Variants in PAK5 observed in about 807,000 individuals in gnomAD.
The protein encoded by PAK5 is p21 (RAC1) activated kinase 5.
In PAK5, 16 loss-of-function variants were observed where a neutral mutation model predicts 65.9. The ratio of observed to expected loss-of-function variants is 0.24; its 90% CI spans 0.16 to 0.37. The LOEUF is 0.37. Among genes scored for constraint, PAK5 ranks in the 10% least tolerant of loss-of-function variants. The pLI, the probability that PAK5 is intolerant of heterozygous loss-of-function variation, is 1.00. For missense variants in PAK5, 785 were observed against 903.9 expected, an observed-to-expected ratio of 0.87 and a Z score of 1.69; for synonymous variants, 371 against 354.9, an observed-to-expected ratio of 1.05 and a Z score of -0.51.
intron 3 of PAK5, among the ~76,000 whole-genome samples, chr20:9,596,679 G>T (rs144178273): frequency 1.3e-5 from 2 of 150,470 alleles, no homozygotes; most frequent in Non-Finnish European, 3.0e-5. Context: ...AGAAGTCGTG[G>T]CTTGAGGAGC....
chr20:9,568,573 G>A (rs536073034), intron 4 of PAK5, among the ~76,000 whole-genome samples: 8 of 152,146 alleles, frequency 5.3e-5, no homozygotes, highest in Non-Finnish European at 1.0e-4. Context: ...ATCAATCTGT[G>A]TGATCAAAGA....
At chr20:9,759,585 A>G (rs754238563) in intron 1 of PAK5, among the ~76,000 whole-genome samples, 3 of 152,190 alleles carry the variant, frequency 2.0e-5, no homozygotes, top group Admixed American at 6.5e-5. Flanking sequence ...AAGCTCCCAG[A>G]TGAAGGAAAG....
chr20:9,781,926 G>A lies in PAK5; in HGVS notation c.-162+56836C>T, dbSNP rs377667698. 9.2e-5 allele frequency among the ~76,000 whole-genome samples: 14 copies of A among 152,096 alleles called. No homozygotes were observed. The East Asian group carries it at 1.4e-3, about 15-fold the overall frequency. ...TTCCCCTATATAGTTTGTGCTCAGC[G>A]CAGCAGTCCGAATAATTTTTAAGTG... On this transcript the variant is annotated intron_variant, in intron 1 of 9. Transcript: ENST00000353224.
intron 1 of PAK5, among the ~76,000 whole-genome samples, chr20:9,750,914 A>G (rs941291152): frequency 6.6e-6 from 1 of 152,044 alleles, no homozygotes; most frequent in Non-Finnish European, 1.5e-5. Context: ...GGTTTATCTG[A>G]TTTCCCAAGC....
intron 4 of PAK5, among the ~76,000 whole-genome samples, chr20:9,568,406 G>C (rs181491855): frequency 1.0e-3 from 159 of 152,282 alleles, no homozygotes; most frequent in African/African-American, 3.6e-3. Context: ...TGGCTATCAG[G>C]ATTTTGGCCT....
intron 2 of PAK5, among the ~76,000 whole-genome samples, chr20:9,701,018 T>C (rs1369928838): frequency 6.6e-6 from 1 of 152,160 alleles, no homozygotes; most frequent in African/African-American, 2.4e-5. Flanking sequence ...AGATTGGAGA[T>C]AGGTAGGAGC....
At chr20:9,753,797 CAG>C (rs1220070993) in intron 1 of PAK5, among the ~76,000 whole-genome samples, 4 of 152,086 alleles carry the variant, frequency 2.6e-5, no homozygotes, top group Non-Finnish European at 5.9e-5. Context: ...GGAGGAAGAC[CAG>C]AGAGACAAAG....
At chr20:9,582,980 C>A (rs926778041) in intron 3 of PAK5, among the ~76,000 whole-genome samples, 1 of 152,106 alleles carries the variant, frequency 6.6e-6, no homozygotes, top group Non-Finnish European at 1.5e-5. Context: ...TCTGTCCCTA[C>A]AAGAAGCTCC....
chr20:9,640,463 G>T (rs183168698), intron 3 of PAK5, among the ~76,000 whole-genome samples: 456 of 152,070 alleles, frequency 3.0e-3, no homozygotes, highest in Non-Finnish European at 5.0e-3. Context: ...GTCTATCATT[G>T]TTGGACATTT....
intron 1 of PAK5, among the ~76,000 whole-genome samples, chr20:9,765,981 TGGGAGGCCCAGG>T (rs763829972): frequency 2.5e-4 from 38 of 152,078 alleles, no homozygotes; most frequent in Non-Finnish European, 4.4e-4. Flanking sequence ...CCCAGCACTT[TGGGAGGCCCAGG>T]CAGGCAGATC....
At chr20:9,769,773 T>A (rs2048812576) in intron 1 of PAK5, among the ~76,000 whole-genome samples, 1 of 152,258 alleles carries the variant, frequency 6.6e-6, no homozygotes, top group Admixed American at 6.5e-5. Context: ...AATATTTGGC[T>A]GCTTTTCCTC....
intron 3 of PAK5, among the ~76,000 whole-genome samples, chr20:9,592,053 C>CA (rs755172771): frequency 6.6e-6 from 1 of 152,046 alleles, no homozygotes; most frequent in African/African-American, 2.4e-5. Flanking sequence ...ATGCCTTATG[C>CA]AAAAAATAGA....
intron 1 of PAK5, among the ~76,000 whole-genome samples, chr20:9,786,158 C>A (rs1249972967): frequency 6.6e-6 from 1 of 152,084 alleles, no homozygotes; most frequent in Non-Finnish European, 1.5e-5. Flanking sequence ...GGGGTATATT[C>A]ATTGAGTGTC....
chr20:9,637,829 A>G (rs2047001253), intron 3 of PAK5, among the ~76,000 whole-genome samples: 1 of 152,202 alleles, frequency 6.6e-6, no homozygotes, highest in African/African-American at 2.4e-5. Context: ...AAATATTAAG[A>G]TATGCTTTTT....
intron 4 of PAK5, among the ~76,000 whole-genome samples, chr20:9,574,977 T>C (rs1255019283): frequency 6.6e-6 from 1 of 152,174 alleles, no homozygotes; most frequent in African/African-American, 2.4e-5. Flanking sequence ...GAAGTTGCTG[T>C]TCTGTTGTTG....
Position 9,539,477 on chromosome 20 carries a change from T to A in PAK5, c.2145A>T (p.Gln715His). 2 of 1,614,048 alleles carry A rather than the reference T, an allele frequency of 1.2e-6. No individual in the cohort carries two copies. The highest frequency in any genetic ancestry group is 1.7e-6 in the Non-Finnish European group (2 of 1,179,954). ...PPSCIVPLMR[Q>H]YRHH is the part of the protein sequence containing the mutation. The stretch of plus-strand genomic sequence containing the variant: ...AATCCTCTGCTCAGTGATGCCTGTA[T>A]TGTCTCATGAGGGGGACGATGCAAG... The change falls in exon 10 of 10, where the codon CAA becomes CAT. Residue 715 changes from glutamine to histidine, a missense_variant. Gln to His is a conservative substitution (Grantham distance 24, BLOSUM62 0). Coordinates refer to ENST00000353224, the MANE Select transcript of PAK5 (RefSeq NM_177990.4).
chr20:9,679,067 G>A (rs1291482150), intron 2 of PAK5, among the ~76,000 whole-genome samples: 1 of 152,130 alleles, frequency 6.6e-6, no homozygotes, highest in African/African-American at 2.4e-5. Flanking sequence ...AACCTCTCCT[G>A]TTCCCCATCC....
chr20:9,640,782 C>T (rs1309073759), intron 3 of PAK5, among the ~76,000 whole-genome samples: 1 of 150,712 alleles, frequency 6.6e-6, no homozygotes, highest in Non-Finnish European at 1.5e-5. Context: ...GCTCTTAAGA[C>T]AGCGCGTCTG....
At chr20:9,736,193 G>A (rs2423450) in intron 1 of PAK5, among the ~76,000 whole-genome samples, 35,222 of 151,756 alleles carry the variant, frequency 0.23, 4,548 homozygotes, top group African/African-American at 0.32. Flanking sequence ...GAGCAACTGC[G>A]CCAGGCCAAT....
Sources: allele counts gnomAD v4.1 joint callset (sites outside exome capture counted in the v4.1 genomes callset), GRCh38; gene constraint gnomAD v4.1.1; transcripts MANE v1.5; gene names NCBI Gene and HGNC (gene_info 2026-07-23, HGNC 2026-07-21).